EPB41L4A: variants seen among roughly 807,000 people sequenced by gnomAD.
EPB41L4A encodes erythrocyte membrane protein band 4.1 like 4A.
Under a neutral mutation model 108.6 loss-of-function variants are expected in EPB41L4A, and 100 were observed. The ratio of observed to expected loss-of-function variants is 0.92; its 90% CI spans 0.78 to 1.09. The LOEUF is 1.09. Ranked by LOEUF, EPB41L4A falls within the 50% of genes least tolerant of loss-of-function variation. The pLI, the probability that EPB41L4A is intolerant of heterozygous loss-of-function variation, is 0.00. For missense variants in EPB41L4A, 1,030 were observed against 842.7 expected (o/e 1.22, Z -2.75); for synonymous variants, 319 against 289.0 (o/e 1.10, Z -1.05).
At chr5:112,379,201 A>ATT (rs987377913) in intron 1 of EPB41L4A, among the ~76,000 whole-genome samples, 6 of 152,166 alleles carry the variant, frequency 3.9e-5, no homozygotes, top group African/African-American at 1.4e-4. Flanking sequence ...ATGTCCCCCC[A>ATT]TTTAGAATTT....
At chr5:112,211,587 C>CAA (rs1244464078) in intron 12 of EPB41L4A, among the ~76,000 whole-genome samples, 39 of 74,920 alleles carry the variant, frequency 5.2e-4, no homozygotes, top group Non-Finnish European at 6.6e-4. Context: ...GACTCCGTCT[C>CAA]AAAAAAAAAA....
At chr5:112,252,410 G>A (rs1224745586) in intron 9 of EPB41L4A, among the ~76,000 whole-genome samples, 1 of 152,044 alleles carries the variant, frequency 6.6e-6, no homozygotes, top group African/African-American at 2.4e-5. Context: ...TCGGAAGAAT[G>A]GCTAACACTC....
chr5:112,334,241 C>A (rs1428820065), intron 1 of EPB41L4A, among the ~76,000 whole-genome samples: 1 of 152,020 alleles, frequency 6.6e-6, no homozygotes, highest in Non-Finnish European at 1.5e-5. Context: ...AATAGCAGAC[C>A]CTAAAAGGAA....
intron 1 of EPB41L4A, among the ~76,000 whole-genome samples, chr5:112,313,757 A>G (rs879465413): frequency 1.3e-5 from 2 of 151,896 alleles, no homozygotes; most frequent in Non-Finnish European, 2.9e-5. Flanking sequence ...GTGTTAGGTA[A>G]GGAATGCATA....
At chr5:112,262,999 G>A (rs1266936409) in intron 6 of EPB41L4A, among the ~76,000 whole-genome samples, 1 of 152,172 alleles carries the variant, frequency 6.6e-6, no homozygotes, top group Non-Finnish European at 1.5e-5. Context: ...GGAAGAGAAT[G>A]GGGCTGCCAC....
intron 1 of EPB41L4A, among the ~76,000 whole-genome samples, chr5:112,308,569 A>C (rs1754841422): frequency 6.6e-6 from 1 of 152,208 alleles, no homozygotes; most frequent in Admixed American, 6.5e-5. Flanking sequence ...ACTTTGACTA[A>C]CTTTAACTGG....
At chr5:112,391,210 G>T (rs1014597115) in intron 1 of EPB41L4A, among the ~76,000 whole-genome samples, 27 of 152,206 alleles carry the variant, frequency 1.8e-4, no homozygotes, top group Non-Finnish European at 3.5e-4. Context: ...AACTAAGCTG[G>T]ACAGAGAATG....
chr5:112,180,519 A>G (rs1189673328), intron 18 of EPB41L4A, among the ~76,000 whole-genome samples: 1 of 152,194 alleles, frequency 6.6e-6, no homozygotes, highest in Non-Finnish European at 1.5e-5. Flanking sequence ...AACACCTCTC[A>G]ATCTCTACTC....
intron 12 of EPB41L4A, among the ~76,000 whole-genome samples, chr5:112,149,958 G>A (rs911472257): frequency 3.3e-5 from 5 of 152,148 alleles, no homozygotes; most frequent in African/African-American, 7.2e-5. Flanking sequence ...CACGCATAAC[G>A]TCTGTTCCCT....
chr5:112,418,913 C>G, intron 1 of EPB41L4A, 28 bp downstream of exon 1: 1 of 1,592,824 alleles, frequency 6.3e-7, no homozygotes, highest in Non-Finnish European at 8.6e-7. Context: ...GCCGCCAACC[C>G]CCGGAACGCG....
intron 1 of EPB41L4A, among the ~76,000 whole-genome samples, chr5:112,361,578 TAGA>T (rs141453123): frequency 0.67 from 99,481 of 149,214 alleles, 33,241 homozygotes; most frequent in South Asian, 0.82. Context: ...ACACAGTATG[TAGA>T]AAAGAATAAT....
intron 12 of EPB41L4A, chr5:112,228,523 G>C (rs1580476113): frequency 6.0e-6 from 1 of 166,028 alleles, no homozygotes; most frequent in Non-Finnish European, 1.2e-5. Flanking sequence ...GCAAGTATTT[G>C]TGTGTTCAGT....
intron 18 of EPB41L4A, among the ~76,000 whole-genome samples, chr5:112,174,529 C>G (rs188846255): frequency 6.6e-6 from 1 of 152,264 alleles, no homozygotes; most frequent in African/African-American, 2.4e-5. Flanking sequence ...TTAAATTAAT[C>G]AGAGAAATTA....
chr5:112,249,706 T>C (rs569091233), intron 9 of EPB41L4A: 1 of 152,210 alleles, frequency 6.6e-6, no homozygotes, highest in Non-Finnish European at 1.5e-5. Flanking sequence ...GTTAAGACAC[T>C]GAATAAAACA....
intron 18 of EPB41L4A, among the ~76,000 whole-genome samples, chr5:112,181,401 G>A (rs1030615102): frequency 2.0e-5 from 3 of 151,870 alleles, no homozygotes; most frequent in Non-Finnish European, 2.9e-5. Flanking sequence ...GCAGTGAGCC[G>A]AGACTGGCCA....
intron 18 of EPB41L4A, chr5:112,175,427 C>G (rs1181579264): frequency 6.6e-6 from 1 of 152,186 alleles, no homozygotes; most frequent in Non-Finnish European, 1.5e-5. Context: ...TAGTAGAAAA[C>G]AGTTTTGTAT....
At chr5:112,177,825 G>T (rs983290804) in intron 18 of EPB41L4A, among the ~76,000 whole-genome samples, 1 of 151,778 alleles carries the variant, frequency 6.6e-6, no homozygotes, top group Non-Finnish European at 1.5e-5. Flanking sequence ...TAAAAGTATA[G>T]GTAAGATATC....
At chr5:112,398,179 A>C (rs989736613) in intron 1 of EPB41L4A, among the ~76,000 whole-genome samples, 2 of 152,324 alleles carry the variant, frequency 1.3e-5, no homozygotes, top group African/African-American at 4.8e-5. Context: ...CAACCCATTC[A>C]ATGTGTAACA....
chr5:112,339,508 A>C (rs13170166), intron 1 of EPB41L4A, among the ~76,000 whole-genome samples: 216 of 55,546 alleles, frequency 3.9e-3, no homozygotes, highest in Middle Eastern at 0.012. Flanking sequence ...ATATATATAT[A>C]TAGATATATA....
Sources: gnomAD v4.1 joint callset for allele counts (sites outside exome capture counted in the v4.1 genomes callset) on GRCh38, gnomAD v4.1.1 for gene constraint, MANE v1.5 for transcripts, NCBI Gene and HGNC (gene_info 2026-07-23, HGNC 2026-07-21) for gene names.